COL4A2: variants seen among roughly 807,000 people sequenced by gnomAD.
COL4A2 encodes collagen type IV alpha 2 chain, also known as collagen alpha-2(IV) chain.
A neutral mutation model predicts 200.2 loss-of-function variants in COL4A2; 99 were observed. The observed-to-expected ratio is 0.49, with a 90% confidence interval of 0.42 to 0.58. COL4A2 has a LOEUF of 0.58. Ranked by LOEUF, COL4A2 falls within the 20% of genes least tolerant of loss-of-function variation. The pLI is 0.00. For missense variants in COL4A2, 1,950 were observed against 2,314.1 expected, an observed-to-expected ratio of 0.84 and a Z score of 3.23; for synonymous variants, 897 against 900.6, an observed-to-expected ratio of 1.00 and a Z score of 0.07.
intron 20 of COL4A2, among the ~76,000 whole-genome samples, chr13:110,455,063 G>A (rs1461126933): frequency 1.3e-5 from 2 of 152,130 alleles, no homozygotes; most frequent in African/African-American, 4.8e-5. Context: ...CTCCAGTGCT[G>A]TGTGTGCCCT....
At chr13:110,471,636 G>A (rs965899214) in intron 28 of COL4A2, among the ~76,000 whole-genome samples, 6 of 152,112 alleles carry the variant, frequency 3.9e-5, no homozygotes, top group Non-Finnish European at 7.4e-5. Context: ...CTCTGAGTAC[G>A]GTCTAGCTGA....
chr13:110,446,695 A>T, intron 17 of COL4A2, 103 bp from the exon 18 acceptor site: 2 of 947,638 alleles, frequency 2.1e-6, no homozygotes, highest in Non-Finnish European at 3.2e-6. Context: ...CTGCTCTGCC[A>T]GCCTGACGGT....
intron 20 of COL4A2, among the ~76,000 whole-genome samples, chr13:110,451,227 T>C (rs988968419): frequency 6.6e-6 from 1 of 152,212 alleles, no homozygotes; most frequent in African/African-American, 2.4e-5. Context: ...AAAAGGCTGT[T>C]CTTTCAGCTT....
chr13:110,472,256 C>T (rs1882501811), intron 28 of COL4A2, among the ~76,000 whole-genome samples: 2 of 152,040 alleles, frequency 1.3e-5, no homozygotes, highest in African/African-American at 2.4e-5. Flanking sequence ...GCTGGGACTA[C>T]AGGCATCCGC....
chr13:110,481,994 T>G (rs1359629144), intron 31 of COL4A2, among the ~76,000 whole-genome samples: 1 of 149,934 alleles, frequency 6.7e-6, no homozygotes, highest in South Asian at 2.1e-4. Context: ...GGAGACACAT[T>G]GGTCGGTCCT....
Position 110,491,337 on chromosome 13 carries a change from A to C in COL4A2, c.3451A>C (p.Thr1151Pro). 1 of 1,578,422 alleles carries C rather than the reference A, an allele frequency of 6.3e-7. No homozygotes were observed. The highest frequency in any genetic ancestry group is 8.6e-7 in the Non-Finnish European group (1 of 1,159,682). The part of the protein sequence containing the change: ...VQGPPGLKGQ[T>P]GFPGLTGPPG... ...AGGCCCTCCTGGACTTAAAGGACAA[A>C]CAGGTAAAATCTCCCGCAGCCACAC... is the stretch of plus-strand genomic sequence containing the variant. Residue 1151 changes from threonine to proline, a missense_variant, in exon 37 of 48, where the codon ACA becomes CCA. Physicochemically the swap from Thr to Pro is conservative, Grantham distance 38 (BLOSUM62 -1). This residue lies in a region of COL4A2 where 1,385 missense variants were observed against 1,720.5 expected (regional missense o/e 0.80). Coordinates refer to ENST00000360467, the MANE Select transcript of COL4A2 (RefSeq NM_001846.4).
intron 3 of COL4A2, among the ~76,000 whole-genome samples, chr13:110,349,627 C>A (rs1422808060): frequency 6.6e-6 from 1 of 152,156 alleles, no homozygotes; most frequent in Non-Finnish European, 1.5e-5. Flanking sequence ...GAAACTAGAA[C>A]CTGGTTTTCC....
intron 20 of COL4A2, among the ~76,000 whole-genome samples, chr13:110,452,675 C>T (rs756159255): frequency 2.6e-5 from 4 of 152,224 alleles, no homozygotes; most frequent in Non-Finnish European, 5.9e-5. Flanking sequence ...CATATTCTCA[C>T]ATTATTCTGA....
In COL4A2 at chr13:110,357,984, G is replaced by C. The variant is rs1156783584; in HGVS notation, c.180+432G>C. 2.0e-5 allele frequency among the ~76,000 whole-genome samples: 3 copies of C among 152,150 alleles called. No individual in the cohort carries two copies. The East Asian group carries it at 5.8e-4, about 29-fold the overall frequency. The stretch of plus-strand genomic sequence containing the variant: ...ACCACTGTAGATCCATCAACACTGG[G>C]TCTTAGGCGGCCCTAAACTTACGTT... On this transcript the variant is annotated intron_variant, in intron 4 of 47. Transcript: ENST00000360467.
chr13:110,477,943 G>T (rs1424896606), intron 29 of COL4A2, 60 bp from the exon 30 acceptor site: 9 of 1,361,934 alleles, frequency 6.6e-6, no homozygotes, highest in Non-Finnish European at 8.7e-6. Flanking sequence ...GGAGGGAGAT[G>T]CTGTCTGTGA....
chr13:110,317,087 G>A lies in COL4A2; in HGVS notation c.99+8964G>A, dbSNP rs1885151919. Among the ~76,000 whole-genome samples, 3 of 145,724 alleles carry A rather than the reference G, an allele frequency of 2.1e-5. No homozygotes were observed. The South Asian group carries it at 6.7e-4, about 32-fold the overall frequency. ...ACACGTAGACACACACATGCACCCA[G>A]CACACACATACAGACACACACATGC... On this transcript the variant is annotated intron_variant, in intron 3 of 47. Coordinates refer to ENST00000360467, the MANE Select transcript of COL4A2 (RefSeq NM_001846.4).
chr13:110,364,539 A>T (rs928111), intron 4 of COL4A2, among the ~76,000 whole-genome samples: 1 of 152,212 alleles, frequency 6.6e-6, no homozygotes, highest in Admixed American at 6.5e-5. Flanking sequence ...ATTTATTAAA[A>T]GTCCCACTTC....
chr13:110,371,425 G>A (rs1266100382), intron 4 of COL4A2, among the ~76,000 whole-genome samples: 1 of 152,076 alleles, frequency 6.6e-6, no homozygotes, highest in African/African-American at 2.4e-5. Flanking sequence ...TTCTGTATGC[G>A]TGTATTTCCA....
At chr13:110,325,778 TC>T (rs1371191120) in intron 3 of COL4A2, among the ~76,000 whole-genome samples, 1 of 151,754 alleles carries the variant, frequency 6.6e-6, no homozygotes, top group African/African-American at 2.4e-5. Context: ...TGTGTCCTGT[TC>T]CTGAATTTCT....
intron 34 of COL4A2, among the ~76,000 whole-genome samples, chr13:110,486,822 A>T (rs1188452826): frequency 5.3e-5 from 8 of 152,206 alleles, no homozygotes; most frequent in African/African-American, 1.7e-4. Flanking sequence ...CTTTTGAGCC[A>T]GGCTGAGCCA....
intron 4 of COL4A2, among the ~76,000 whole-genome samples, chr13:110,370,023 CT>C (rs1877933582): frequency 6.6e-6 from 1 of 152,148 alleles, no homozygotes; most frequent in Admixed American, 6.5e-5. Flanking sequence ...CTTCTTAGGT[CT>C]TGACCTTAAG....
intron 46 of COL4A2, 71 bp from the exon 47 acceptor site, chr13:110,507,864 G>T: frequency 6.6e-7 from 1 of 1,517,304 alleles, no homozygotes; most frequent in Non-Finnish European, 9.0e-7. Flanking sequence ...AGCCTCCTGG[G>T]CCTGGCTGGG....
intron 3 of COL4A2, among the ~76,000 whole-genome samples, chr13:110,321,791 AAG>A (rs1162390307): frequency 1.3e-5 from 2 of 152,320 alleles, no homozygotes; most frequent in East Asian, 3.9e-4. Flanking sequence ...GCAGCAGGCA[AAG>A]AGAGAATGTA....
intron 12 of COL4A2, among the ~76,000 whole-genome samples, chr13:110,435,727 G>T (rs1024460274): frequency 6.6e-6 from 1 of 152,142 alleles, no homozygotes; most frequent in Non-Finnish European, 1.5e-5. Context: ...TAGATAGATC[G>T]GTTTCACCAT....
Sources: allele counts gnomAD v4.1 joint callset (sites outside exome capture counted in the v4.1 genomes callset), GRCh38; gene constraint gnomAD v4.1.1; regional missense constraint gnomAD v4.1.1; transcripts MANE v1.5; gene names NCBI Gene and HGNC (gene_info 2026-07-23, HGNC 2026-07-21).